Variants in PHF3 observed in about 807,000 individuals in gnomAD.
PHF3 encodes the protein PHD finger protein 3.
PHF3 carries 41 observed loss-of-function variants against 178.4 expected under a neutral mutation model. The observed-to-expected ratio is 0.23, with a 90% CI of 0.18 to 0.30. The LOEUF (loss-of-function observed/expected upper bound fraction) is 0.30. Among genes scored for constraint, PHF3 ranks in the 10% least tolerant of loss-of-function variants. The pLI, the probability that PHF3 is intolerant of heterozygous loss-of-function variation, is 1.00. For synonymous variants in PHF3, 842 were observed against 800.5 expected (o/e 1.05, Z -0.88); for missense variants, 2,346 against 2,398.1 (o/e 0.98, Z 0.45).
chr6:63,642,968 G>A (rs1211880933), intron 1 of PHF3, among the ~76,000 whole-genome samples: 1 of 151,970 alleles, frequency 6.6e-6, no homozygotes, highest in Non-Finnish European at 1.5e-5. Flanking sequence ...GTTGCAAAGG[G>A]TGTGTAGTGT....
intron 4 of PHF3, among the ~76,000 whole-genome samples, chr6:63,687,213 C>T (rs1439282199): frequency 6.6e-6 from 1 of 152,124 alleles, no homozygotes; most frequent in African/African-American, 2.4e-5. Flanking sequence ...CACTTGAGGT[C>T]AGGAGTTCGA....
intron 8 of PHF3, 96 bp from the exon 9 acceptor site, chr6:63,700,254 C>T (rs1767415190): frequency 3.5e-6 from 2 of 577,046 alleles, no homozygotes; most frequent in African/African-American, 1.9e-5. Flanking sequence ...ATTTGTAAAT[C>T]AGTCTTCAAA....
chr6:63,709,236 C>A lies in PHF3; in HGVS notation c.3797C>A (p.Thr1266Asn). ...GTGGAAAAAATAAAAGCATCAGGAACCAAGGTGAGGAAAACTTTTTTCACT... is the reference window on the plus strand; with the variant it reads ...GTGGAAAAAATAAAAGCATCAGGAAACAAGGTGAGGAAAACTTTTTTCACT... ...DYVEKIKASG[T>N]KEICVVRFTP... The change falls in exon 14 of 16, where the codon ACC (threonine) becomes AAC (asparagine). Residue 1266 changes from threonine to asparagine, a missense_variant. By Grantham distance (65) the Thr-to-Asn change is moderately conservative (BLOSUM62 0). Coordinates refer to ENST00000262043, the MANE Select transcript of PHF3 (RefSeq NM_001370348.2). The A allele has an allele frequency of 6.2e-7, 1 of 1,604,868 alleles. No individual in the cohort carries two copies. The highest frequency in any genetic ancestry group is 8.5e-7 in the Non-Finnish European group (1 of 1,173,576).
At chr6:63,698,195 A>G in intron 6 of PHF3, 28 bp from the exon 7 acceptor site, 1 of 1,559,504 alleles carries the variant, frequency 6.4e-7, no homozygotes. Flanking sequence ...AAAGCAATGT[A>G]ATGAGTTTCG....
At chr6:63,686,623 GTTTT>G (rs1190966525) in intron 4 of PHF3, among the ~76,000 whole-genome samples, 2 of 152,082 alleles carry the variant, frequency 1.3e-5, no homozygotes, top group Non-Finnish European at 2.9e-5. Flanking sequence ...TCCCCAATGT[GTTTT>G]TTGTTAGCTT....
At chr6:63,662,056 G>A (rs1451817744) in intron 2 of PHF3, among the ~76,000 whole-genome samples, 1 of 152,124 alleles carries the variant, frequency 6.6e-6, no homozygotes, top group Non-Finnish European at 1.5e-5. Flanking sequence ...ATAGGAGCGC[G>A]AACCCTATTG....
chr6:63,641,945 T>G (rs1399256697), intron 1 of PHF3, among the ~76,000 whole-genome samples: 1 of 152,122 alleles, frequency 6.6e-6, no homozygotes, highest in Non-Finnish European at 1.5e-5. Flanking sequence ...AAATTTTTTT[T>G]TGCTGTTGAC....
In PHF3 at chr6:63,716,246, A is replaced by T. The variant is rs143313598; in HGVS notation, c.*2538A>T. 6.9e-4 allele frequency among the ~76,000 whole-genome samples: 105 copies of T among 152,310 alleles called. No homozygotes were observed. The highest frequency in any genetic ancestry group is 2.4e-3 in the African/African-American group (98 of 41,584). ...CTGCTGTTGTCAGAGCAGGAATCCT[A>T]CCTAGCTCAGTTCTTTTCTCTAAAG... On this transcript the variant is annotated 3_prime_UTR_variant, in exon 16 of 16. Transcript: ENST00000262043.
At chr6:63,681,074 A>G (rs758937593) in intron 3 of PHF3, among the ~76,000 whole-genome samples, 14 of 152,058 alleles carry the variant, frequency 9.2e-5, no homozygotes, top group Non-Finnish European at 1.9e-4. Flanking sequence ...TACTGGAATC[A>G]TGGTCTGGTT....
At chr6:63,655,352 C>T (rs1257909304) in intron 2 of PHF3, among the ~76,000 whole-genome samples, 2 of 152,020 alleles carry the variant, frequency 1.3e-5, no homozygotes, top group African/African-American at 4.8e-5. Context: ...GTTGAGATTA[C>T]AGGTGTGAGC....
At chr6:63,649,550 C>T (rs181200696) in intron 2 of PHF3, among the ~76,000 whole-genome samples, 155 of 152,170 alleles carry the variant, frequency 1.0e-3, no homozygotes, top group African/African-American at 3.5e-3. Flanking sequence ...GGTTTCGGAC[C>T]AGTATTTTTG....
Position 63,685,813 on chromosome 6 carries a change from A to T in PHF3, c.2091A>T (p.Ile697=). ...PLFIPDNIAT[I]RREGSDHSSS... is the part of the protein sequence containing the mutation. ...TCATTCCAGATAACATAGCTACCAT[A>T]AGAAGAGAAGGCTCTGATCATAGCT... The change falls in exon 4 of 16, where the codon ATA becomes ATT. Residue 697 remains isoleucine (I), a synonymous_variant. Coordinates refer to ENST00000262043, the MANE Select transcript of PHF3 (RefSeq NM_001370348.2). 1 of 1,613,818 alleles carries T rather than the reference A, an allele frequency of 6.2e-7. No individual in the cohort carries two copies. Among genetic ancestry groups the T allele is most frequent in the Non-Finnish European group, 8.5e-7 (1 of 1,179,980 alleles).
intron 1 of PHF3, among the ~76,000 whole-genome samples, chr6:63,645,717 G>T (rs1003038745): frequency 1.3e-5 from 2 of 152,078 alleles, no homozygotes; most frequent in African/African-American, 4.8e-5. Context: ...CATAATTGAG[G>T]CTCCTGTAGA....
rs1480361601 is a variant in PHF3 at position 63,715,404 on chromosome 6, G to C, written c.*1696G>C. The stretch of plus-strand genomic sequence containing the variant: ...TAATTTGCACCATTACAAAGAAATT[G>C]CTGTCAGGGTTTTACACATTTTAAA... On this transcript the variant is annotated 3_prime_UTR_variant, in exon 16 of 16. Coordinates refer to ENST00000262043, the MANE Select transcript of PHF3 (RefSeq NM_001370348.2). The C allele has an allele frequency of 6.6e-6, 1 of 152,088 alleles. No individual in the cohort carries two copies. Among genetic ancestry groups the C allele is most frequent in the Non-Finnish European group, 1.5e-5 (1 of 68,000 alleles). The allele number at this position is 152,088 out of a possible 1,614,324, so 9.4% of individuals were successfully genotyped here.
rs1243152455 is a variant in PHF3 at position 63,721,250 on chromosome 6, A to G, written c.*7542A>G. 48 of 1,551,798 alleles carry G rather than the reference A, an allele frequency of 3.1e-5. No individual in the cohort carries two copies. The highest frequency in any genetic ancestry group is 4.2e-5 in the Non-Finnish European group (48 of 1,146,982). On this transcript the variant is annotated 3_prime_UTR_variant, in exon 16 of 16. Coordinates refer to ENST00000262043, the MANE Select transcript of PHF3 (RefSeq NM_001370348.2). ...TGTAAGAAAATGATTGGTCAGGTAT[A>G]CATAAAGATTGGTGGAGGCAAAGAT...
Position 63,717,328 on chromosome 6 carries a change from C to T in PHF3, c.*3620C>T, listed in dbSNP as rs1768220717. Among the ~76,000 whole-genome samples the T allele has an allele frequency of 6.6e-6, 1 of 151,996 alleles. No homozygotes were observed. The highest frequency in any genetic ancestry group is 6.6e-5 in the Admixed American group (1 of 15,208). On this transcript the variant is annotated 3_prime_UTR_variant, in exon 16 of 16. Transcript: ENST00000262043. Reference sequence around the variant, plus strand: ...AGATCTTAGTAAAACAGTATTTTAACATTTGGATATACTAGTTGTACTATG... The same window carrying T: ...AGATCTTAGTAAAACAGTATTTTAATATTTGGATATACTAGTTGTACTATG...
chr6:63,723,277 T>C lies in PHF3; in HGVS notation c.*9569T>C, dbSNP rs895062352. 1.3e-5 allele frequency among the ~76,000 whole-genome samples: 2 copies of C among 152,192 alleles called. No individual in the cohort carries two copies. The highest frequency in any genetic ancestry group is 6.6e-5 in the Admixed American group (1 of 15,264). On this transcript the variant is annotated 3_prime_UTR_variant, in exon 16 of 16. Transcript: ENST00000262043. ...CTATAAGGAAAGAGAAGCAACATTA[T>C]AAACTTTCAGATTAGGAAAGAAAAA... is the stretch of plus-strand genomic sequence containing the variant.
chr6:63,704,559 A>G (rs1173367420), intron 11 of PHF3, among the ~76,000 whole-genome samples: 4 of 151,020 alleles, frequency 2.6e-5, no homozygotes, highest in Non-Finnish European at 1.5e-5. Flanking sequence ...AGCTTCCCCT[A>G]TGTCTTTTCA....
intron 2 of PHF3, among the ~76,000 whole-genome samples, chr6:63,671,054 T>A (rs961183507): frequency 2.9e-4 from 44 of 152,238 alleles, no homozygotes; most frequent in Non-Finnish European, 5.3e-4. Flanking sequence ...CTTATTAGAA[T>A]GTGAAACTCA....
Sources: gnomAD v4.1 joint callset for allele counts (sites outside exome capture counted in the v4.1 genomes callset) on GRCh38, gnomAD v4.1.1 for gene constraint, MANE v1.5 for transcripts, NCBI Gene and HGNC (gene_info 2026-07-23, HGNC 2026-07-21) for gene names.